The following ZNF534 variants were observed in gnomAD, a reference collection of about 807,000 sequenced individuals.
ZNF534 encodes the protein KRAB domain only 3.
Under a neutral mutation model 13.6 loss-of-function variants are expected in ZNF534, and 19 were observed. The observed-to-expected ratio is 1.40, with a 90% CI of 0.97 to 2.05. ZNF534 has a LOEUF of 2.05. Ranked by LOEUF, ZNF534 falls within the 30% of genes most tolerant of loss-of-function variation. The probability of loss-of-function intolerance (pLI) is 0.00; values close to 1 mark genes in which losing one functional copy is unlikely to be tolerated. For missense variants in ZNF534, 782 were observed against 796.3 expected, an observed-to-expected ratio of 0.98 and a Z score of 0.22; for synonymous variants, 244 against 273.8, an observed-to-expected ratio of 0.89 and a Z score of 1.07.
intron 2 of ZNF534, among the ~76,000 whole-genome samples, chr19:52,433,715 G>C (rs1250490392): frequency 6.6e-6 from 1 of 152,096 alleles, no homozygotes; most frequent in Non-Finnish European, 1.5e-5. Context: ...TTTTTTGTTT[G>C]TATTGCTTGT....
chr19:52,439,026 C>G lies in ZNF534; in HGVS notation c.1566C>G (p.Tyr522Ter). ...ATATTCATACTGGAGAGAAGCCTTA[C>G]AGTTGTAATGAATGTGGCAAGGTCT... ...HRDIHTGEKP[Y>*]SCNECGKVFR... The change falls in exon 5 of 5, where the codon TAC becomes TAG. Residue 522 changes from tyrosine to a stop codon, truncating the protein, a stop_gained. Transcript: ENST00000433050. LOFTEE classifies it low-confidence loss of function (END_TRUNC). 1.9e-6 allele frequency: 3 copies of G among 1,600,148 alleles called. No homozygotes were observed. The highest frequency in any genetic ancestry group is 2.6e-6 in the Non-Finnish European group (3 of 1,172,904).
At chr19:52,429,767 G>A (rs2059074817) in intron 1 of ZNF534, among the ~76,000 whole-genome samples, 1 of 151,296 alleles carries the variant, frequency 6.6e-6, no homozygotes, top group Non-Finnish European at 1.5e-5. Flanking sequence ...CTCTAATTTT[G>A]TATTTTTAGT....
rs2059172980 is a variant in ZNF534 at position 52,441,583 on chromosome 19, A to G, written c.*2137A>G. Among the ~76,000 whole-genome samples the G allele has an allele frequency of 6.6e-6, 1 of 152,244 alleles. No homozygotes were observed. Among genetic ancestry groups the G allele is most frequent in the Non-Finnish European group, 1.5e-5 (1 of 68,046 alleles). Reference sequence around the variant, plus strand: ...TCCCTAACAAATCACTATAGAATTCATACTGCAGAGAAGCCTTACAAATGC... The same window carrying G: ...TCCCTAACAAATCACTATAGAATTCGTACTGCAGAGAAGCCTTACAAATGC... On this transcript the variant is annotated 3_prime_UTR_variant, in exon 5 of 5. Transcript: ENST00000433050.
chr19:52,431,461 A>G lies in ZNF534; in HGVS notation c.-14A>G, dbSNP rs774295932. 25 of 1,614,064 alleles carry G rather than the reference A, an allele frequency of 1.5e-5. No homozygotes were observed. Among genetic ancestry groups the G allele is most frequent in the Non-Finnish European group, 2.0e-5 (24 of 1,179,922 alleles). On this transcript the variant is annotated 5_prime_UTR_variant, in exon 2 of 5. Transcript: ENST00000433050. Reference sequence around the variant, plus strand: ...AAGGAAGCAACTCGGAAGAGGAAAGAAAGGAAGTCAGGAATGGCCCTTACT... The same window carrying G: ...AAGGAAGCAACTCGGAAGAGGAAAGGAAGGAAGTCAGGAATGGCCCTTACT...
At chr19:52,433,498 C>G (rs1000552894) in intron 2 of ZNF534, among the ~76,000 whole-genome samples, 3 of 152,028 alleles carry the variant, frequency 2.0e-5, no homozygotes, top group African/African-American at 4.8e-5. Flanking sequence ...TCCTGAGTAG[C>G]TGGGACTACA....
downstream of ZNF534, among the ~76,000 whole-genome samples, chr19:52,443,590 A>T (rs1162917326): frequency 6.6e-6 from 1 of 152,084 alleles, no homozygotes; most frequent in African/African-American, 2.4e-5. Context: ...TCTATACTAA[A>T]AATACAAAAA....
downstream of ZNF534, among the ~76,000 whole-genome samples, chr19:52,444,789 G>C (rs1270694739): frequency 6.6e-6 from 1 of 152,090 alleles, no homozygotes; most frequent in African/African-American, 2.4e-5. Context: ...GGGAAAGCCG[G>C]TAGTCATAGG....
Position 52,441,115 on chromosome 19 carries a change from A to G in ZNF534, c.*1669A>G, listed in dbSNP as rs1454760027. Reference sequence around the variant, plus strand: ...GAGACGGGGTTTCACCATGTTAGCCAGGCTGGTCTCGATCTCCTGACCTTG... The same window carrying G: ...GAGACGGGGTTTCACCATGTTAGCCGGGCTGGTCTCGATCTCCTGACCTTG... On this transcript the variant is annotated 3_prime_UTR_variant, in exon 5 of 5. Coordinates refer to ENST00000433050, the MANE Select transcript of ZNF534 (RefSeq NM_001143938.3). Among the ~76,000 whole-genome samples the G allele has an allele frequency of 6.6e-6, 1 of 152,154 alleles. No individual in the cohort carries two copies. The highest frequency in any genetic ancestry group is 2.4e-5 in the African/African-American group (1 of 41,436).
downstream of ZNF534, among the ~76,000 whole-genome samples, chr19:52,443,219 A>G (rs1034850245): frequency 1.3e-5 from 2 of 152,156 alleles, no homozygotes; most frequent in Non-Finnish European, 2.9e-5. Context: ...CGATAACCTG[A>G]TGACAGTGTG....
rs2059172364 is a variant in ZNF534, at chr19:52,441,496, C to G, written c.*2050C>G. On this transcript the variant is annotated 3_prime_UTR_variant, in exon 5 of 5. Coordinates refer to ENST00000433050, the MANE Select transcript of ZNF534 (RefSeq NM_001143938.3). ...CAGTACTGCACTCCAGCCTGGGTGA[C>G]AGAGTGAGACCCTATCTACAAATAT... Among the ~76,000 whole-genome samples, 1 of 152,208 alleles carries G rather than the reference C, an allele frequency of 6.6e-6. No individual in the cohort carries two copies. The highest frequency in any genetic ancestry group is 2.4e-5 in the African/African-American group (1 of 41,448).
intron 3 of ZNF534, among the ~76,000 whole-genome samples, chr19:52,434,721 ACT>A (rs1861129255): frequency 1.4e-5 from 2 of 142,988 alleles, no homozygotes; most frequent in African/African-American, 2.6e-5. Flanking sequence ...ACAGAGTGAG[ACT>A]CTGTCTCAAA....
chr19:52,433,620 C>A (rs1002206653), intron 2 of ZNF534, among the ~76,000 whole-genome samples: 1 of 152,204 alleles, frequency 6.6e-6, no homozygotes, highest in African/African-American at 2.4e-5. Flanking sequence ...ACCGCCTTGG[C>A]CTCCCAAAAT....
At chr19:52,434,464 CAAAAAAA>C (rs528136970) in intron 3 of ZNF534, among the ~76,000 whole-genome samples, 1 of 63,108 alleles carries the variant, frequency 1.6e-5, no homozygotes, top group Non-Finnish European at 3.1e-5. Flanking sequence ...GACTCCGTCT[CAAAAAAA>C]AAAAAAAAAA....
At chr19:52,451,862 T>A (rs569033586) in exon 5 of ZNF534, 63 of 750,228 alleles carry the variant, frequency 8.4e-5, no homozygotes, top group Middle Eastern at 7.3e-4. Context: ...ACGGATTTTT[T>A]AATCCAGAAA....
At chr19:52,443,297 A>G (rs985856550), downstream of ZNF534, among the ~76,000 whole-genome samples, 1 of 152,162 alleles carries the variant, frequency 6.6e-6, no homozygotes, top group Non-Finnish European at 1.5e-5. Flanking sequence ...TTGGATGTCT[A>G]GGTCTCTAGC....
chr19:52,438,197 A>G lies in ZNF534; in HGVS notation c.737A>G (p.Glu246Gly). 1.2e-6 allele frequency: 2 copies of G among 1,614,108 alleles called. No individual in the cohort carries two copies. Among genetic ancestry groups the G allele is most frequent in the Non-Finnish European group, 1.7e-6 (2 of 1,180,010 alleles). Reference protein sequence around the residue: ...HTGEKPYKYNECGKVFNQNSH... With the variant: ...HTGEKPYKYNGCGKVFNQNSH... Reference sequence around the variant, plus strand: ...GGAGAGAAGCCTTACAAATATAATGAATGTGGCAAAGTCTTCAATCAGAAT... The same window carrying G: ...GGAGAGAAGCCTTACAAATATAATGGATGTGGCAAAGTCTTCAATCAGAAT... The change falls in exon 5 of 5, where the codon GAA becomes GGA. Residue 246 changes from glutamate to glycine, a missense_variant. Glu to Gly is a moderately conservative substitution (Grantham distance 98). Transcript: ENST00000433050.
Position 52,434,072 on chromosome 19 carries a change from G to C in ZNF534, c.133G>C (p.Val45Leu). The C allele has an allele frequency of 6.2e-7, 1 of 1,614,012 alleles. No homozygotes were observed. Among genetic ancestry groups the C allele is most frequent in the Middle Eastern group, 1.6e-4 (1 of 6,062 alleles). ...DVMLENYRNLVSLGICLPDLS... is the reference protein window; with the variant it reads ...DVMLENYRNLLSLGICLPDLS... ...GATGTTAGAGAACTACAGGAACCTG[G>C]TCTCCCTAGGTGAGGATAATGTCCG... The change falls in exon 3 of 5, where the codon GTC becomes CTC. Residue 45 changes from valine (V) to leucine (L), a missense_variant. Around this residue, in one of 5 missense-constraint regions of ZNF534, gnomAD observed 81 missense variants for 63.5 expected, o/e 1.28. Coordinates refer to ENST00000433050, the MANE Select transcript of ZNF534 (RefSeq NM_001143938.3).
chr19:52,435,785 A>G (rs2059124604), intron 4 of ZNF534, among the ~76,000 whole-genome samples: 1 of 152,064 alleles, frequency 6.6e-6, no homozygotes, highest in African/African-American at 2.4e-5. Context: ...GATTACAGGC[A>G]TGAGCCACTG....
At chr19:52,442,682 A>G (rs2059180608), downstream of ZNF534, among the ~76,000 whole-genome samples, 1 of 152,242 alleles carries the variant, frequency 6.6e-6, no homozygotes, top group African/African-American at 2.4e-5. Context: ...ATCTTGACAT[A>G]TACCTCCTCC....
Sources: allele counts gnomAD v4.1 joint callset (sites outside exome capture counted in the v4.1 genomes callset), GRCh38; gene constraint gnomAD v4.1.1; regional missense constraint gnomAD v4.1.1; transcripts MANE v1.5; gene names NCBI Gene and HGNC (gene_info 2026-07-23, HGNC 2026-07-21).